HECW2: variants seen among roughly 807,000 people sequenced by gnomAD.
The protein encoded by HECW2 is HECT, C2 and WW domain containing E3 ubiquitin protein ligase 2.
In HECW2, 61 loss-of-function variants were observed where a neutral mutation model predicts 175.2. The ratio of observed to expected loss-of-function variants is 0.35; its 90% CI spans 0.28 to 0.43. The LOEUF (loss-of-function observed/expected upper bound fraction) is 0.43. Among genes scored for constraint, HECW2 ranks in the 20% least tolerant of loss-of-function variants. The pLI, the probability that HECW2 is intolerant of heterozygous loss-of-function variation, is 1.00. For synonymous variants in HECW2, 671 were observed against 731.0 expected, an observed-to-expected ratio of 0.92 and a Z score of 1.32; for missense variants, 1,524 against 2,000.5, an observed-to-expected ratio of 0.76 and a Z score of 4.54.
intron 26 of HECW2, chr2:196,217,355 C>CA (rs1687514363): frequency 5.5e-6 from 2 of 364,964 alleles, no homozygotes; most frequent in Admixed American, 8.8e-5. Context: ...AGAAGAACAA[C>CA]AAATGAGTTA....
chr2:196,235,648 C>CTTTTTTTTTTTTTTTTTTTT (rs757874073), intron 21 of HECW2, among the ~76,000 whole-genome samples: 1 of 78,900 alleles, frequency 1.3e-5, no homozygotes, highest in Non-Finnish European at 2.4e-5. Context: ...ATGCATTATT[C>CTTTTTTTTTTTTTTTTTTTT]TTTTTTTTTT....
intron 1 of HECW2, among the ~76,000 whole-genome samples, chr2:196,574,060 G>A (rs1186275630): frequency 2.0e-5 from 3 of 151,930 alleles, no homozygotes; most frequent in Non-Finnish European, 4.4e-5. Flanking sequence ...TAAAATCACT[G>A]GTGTTTCTAT....
At chr2:196,385,492 C>A (rs1310664739) in intron 2 of HECW2, among the ~76,000 whole-genome samples, 1 of 152,132 alleles carries the variant, frequency 6.6e-6, no homozygotes, top group Non-Finnish European at 1.5e-5. Flanking sequence ...AAGCCCTATG[C>A]CCTGATACCA....
At chr2:196,375,467 T>C (rs560253073) in intron 2 of HECW2, among the ~76,000 whole-genome samples, 78 of 152,348 alleles carry the variant, frequency 5.1e-4, no homozygotes, top group African/African-American at 1.8e-3. Flanking sequence ...TAATAGATTC[T>C]ACTTTTACTT....
chr2:196,523,657 C>T (rs1294502061), intron 1 of HECW2, among the ~76,000 whole-genome samples: 1 of 151,290 alleles, frequency 6.6e-6, no homozygotes, highest in African/African-American at 2.4e-5. Context: ...CCCATCAATA[C>T]CTAATTTATT....
intron 14 of HECW2, chr2:196,288,889 G>A (rs1236090947): frequency 6.6e-6 from 1 of 152,246 alleles, no homozygotes; most frequent in Non-Finnish European, 1.5e-5. Flanking sequence ...TGGACTGCCT[G>A]GGTGCAAATC....
intron 21 of HECW2, among the ~76,000 whole-genome samples, chr2:196,237,010 C>G (rs924387034): frequency 2.0e-5 from 3 of 151,692 alleles, no homozygotes; most frequent in African/African-American, 7.3e-5. Flanking sequence ...TAGATTTTTT[C>G]TTTTTTAGTG....
chr2:196,479,080 T>G (rs1686758079), intron 1 of HECW2, among the ~76,000 whole-genome samples: 1 of 152,192 alleles, frequency 6.6e-6, no homozygotes, highest in Non-Finnish European at 1.5e-5. Flanking sequence ...TTTTCCAATG[T>G]AATGGATAAA....
chr2:196,323,389 G>A (rs767145494), intron 6 of HECW2, among the ~76,000 whole-genome samples: 2 of 152,164 alleles, frequency 1.3e-5, no homozygotes, highest in Non-Finnish European at 2.9e-5. Context: ...TTGAAGATGA[G>A]AATCTCAGGA....
At chr2:196,484,700 A>G (rs1246892726) in intron 1 of HECW2, among the ~76,000 whole-genome samples, 1 of 152,104 alleles carries the variant, frequency 6.6e-6, no homozygotes, top group Non-Finnish European at 1.5e-5. Context: ...ATTTTGGTTC[A>G]TACATTCACC....
intron 2 of HECW2, among the ~76,000 whole-genome samples, chr2:196,351,472 T>G (rs901493170): frequency 6.6e-6 from 1 of 151,950 alleles, no homozygotes; most frequent in African/African-American, 2.4e-5. Flanking sequence ...CTCCAAAACC[T>G]CCATACGGTA....
rs78853965 is a variant in HECW2, at chr2:196,584,306, C to G, written c.-36+9202G>C. Among the ~76,000 whole-genome samples the G allele has an allele frequency of 7.3e-3, 1,105 of 152,194 alleles. 22 individuals carry two copies. The highest frequency in any genetic ancestry group is 0.026 in the African/African-American group (1,060 of 41,496). ...AGAAGACCTGTCTAATTAAAGTAAA[C>G]TAGAGTGTCCCACTCACCATCACCC... On this transcript the variant is annotated intron_variant, in intron 1 of 28. Transcript: ENST00000644978.
In HECW2 at chr2:196,240,545, T is replaced by C. The variant is rs1688409948; in HGVS notation, c.3668A>G (p.Asp1223Gly). The change falls in exon 21 of 29, where the codon GAT becomes GGT. Residue 1223 changes from aspartate (D) to glycine (G), a missense_variant. By Grantham distance (94) the Asp-to-Gly change is moderately conservative (BLOSUM62 -1). Transcript: ENST00000644978. ...PGKLKLIIRR[D>G]HLLEDAFNQI... ...ATTAAAAGCATCTTCTAGTAAGTGA[T>C]CTCTTCGGATAATTAACCTGTCCAT... 6.2e-7 allele frequency: 1 copy of C among 1,608,366 alleles called. No individual in the cohort carries two copies. The highest frequency in any genetic ancestry group is 8.5e-7 in the Non-Finnish European group (1 of 1,178,296).
chr2:196,227,552 C>T (rs1687896862), intron 22 of HECW2, among the ~76,000 whole-genome samples: 1 of 74,180 alleles, frequency 1.3e-5, no homozygotes. Flanking sequence ...CACTCCTGCC[C>T]TTCTACCATC....
At chr2:196,220,675 G>C (rs553181358) in intron 25 of HECW2, 120 bp downstream of exon 25, 2 of 1,087,034 alleles carry the variant, frequency 1.8e-6, no homozygotes, top group Admixed American at 4.6e-5. Context: ...TGAACTTTTC[G>C]CATGGAAAGA....
In HECW2 at chr2:196,318,908, G is replaced by A; in HGVS notation, c.1982C>T (p.Ser661Phe). The A allele has an allele frequency of 6.3e-7, 1 of 1,583,328 alleles. No homozygotes were observed. ...TQLSSVDTRC[S>F]SLESARFPET... ...AGGAAACCGTGCGCTCTCAAGAGAG[G>A]AGCACCGTGTGTCCACAGAGGACAG... Residue 661 changes from serine (S) to phenylalanine (F), a missense_variant, in exon 9 of 29, where the codon TCC becomes TTC. Transcript: ENST00000644978.
At chr2:196,405,556 T>C (rs1199939532) in intron 2 of HECW2, among the ~76,000 whole-genome samples, 2 of 152,170 alleles carry the variant, frequency 1.3e-5, no homozygotes, top group African/African-American at 4.8e-5. Flanking sequence ...TCTGCTCCTG[T>C]TGAAGTCCAA....
chr2:196,494,982 TGA>T (rs1166921148), intron 1 of HECW2, among the ~76,000 whole-genome samples: 1 of 152,230 alleles, frequency 6.6e-6, no homozygotes, highest in Non-Finnish European at 1.5e-5. Flanking sequence ...CCAGCACTGC[TGA>T]GAGTGTTAAA....
At chr2:196,293,728 C>G (rs568655475) in intron 13 of HECW2, among the ~76,000 whole-genome samples, 1 of 152,294 alleles carries the variant, frequency 6.6e-6, no homozygotes, top group South Asian at 2.1e-4. Context: ...TGCCACCTTA[C>G]AGAGAGCCCT....
Sources: allele counts gnomAD v4.1 joint callset (sites outside exome capture counted in the v4.1 genomes callset), GRCh38; gene constraint gnomAD v4.1.1; transcripts MANE v1.5; gene names NCBI Gene and HGNC (gene_info 2026-07-23, HGNC 2026-07-21).